RBKS: variants seen among roughly 807,000 people sequenced by gnomAD.
RBKS encodes the protein ribokinase.
In RBKS, 33 loss-of-function variants were observed where a neutral mutation model predicts 33.9. The observed-to-expected ratio is 0.97, with a 90% CI of 0.74 to 1.30. RBKS has a LOEUF of 1.30. Among genes scored for constraint, RBKS ranks in the 50% most tolerant of loss-of-function variants. The pLI, the probability that RBKS is intolerant of heterozygous loss-of-function variation, is 0.00. For missense variants in RBKS, 361 were observed against 392.6 expected (o/e 0.92, Z 0.68); for synonymous variants, 125 against 143.0 (o/e 0.87, Z 0.90).
chr2:27,861,664 G>GT (rs141374929), intron 1 of RBKS: 8 of 215,472 alleles, frequency 3.7e-5, no homozygotes, highest in East Asian at 1.8e-4. Context: ...ATTTCTTTTT[G>GT]GGGGGGGGGT....
At position 27,827,657 on chromosome 2, in the gene RBKS, G is replaced by C; in HGVS notation, c.705C>G (p.Thr235=). Residue 235 remains threonine (T), a synonymous_variant, in exon 7 of 8, where the codon ACC becomes ACG. Coordinates refer to ENST00000302188, the MANE Select transcript of RBKS (RefSeq NM_022128.3). ...GCACCACACATCCTTCAGCCCCTAA[G>C]GTAATGATTACCACCTGGCAGCCCC... ...LKRGCQVVII[T]LGAEGCVVLS... 1 of 1,613,766 alleles carries C rather than the reference G, an allele frequency of 6.2e-7. No homozygotes were observed. Among genetic ancestry groups the C allele is most frequent in the Non-Finnish European group, 8.5e-7 (1 of 1,179,918 alleles).
chr2:27,868,793 C>G (rs956400568), intron 1 of RBKS, among the ~76,000 whole-genome samples: 3 of 152,198 alleles, frequency 2.0e-5, no homozygotes, highest in Non-Finnish European at 4.4e-5. Flanking sequence ...CTTTCCTTTG[C>G]TTCTCAGCTG....
intron 4 of RBKS, among the ~76,000 whole-genome samples, chr2:27,843,831 C>G (rs997522592): frequency 6.6e-6 from 1 of 152,130 alleles, no homozygotes; most frequent in African/African-American, 2.4e-5. Flanking sequence ...TTACTTGGAC[C>G]TGCTGTCTAT....
intron 4 of RBKS, among the ~76,000 whole-genome samples, chr2:27,845,502 G>A (rs1663604925): frequency 6.6e-6 from 1 of 151,424 alleles, no homozygotes; most frequent in African/African-American, 2.4e-5. Flanking sequence ...TCATAGATAA[G>A]AAAGAGAACT....
At chr2:27,785,315 T>C (rs1158171253) in intron 7 of RBKS, among the ~76,000 whole-genome samples, 1 of 152,110 alleles carries the variant, frequency 6.6e-6, no homozygotes, top group Non-Finnish European at 1.5e-5. Flanking sequence ...TTGCAATACA[T>C]GTAACATATC....
intron 1 of RBKS, among the ~76,000 whole-genome samples, chr2:27,863,751 T>C (rs1361936538): frequency 2.0e-5 from 3 of 152,368 alleles, no homozygotes; most frequent in Non-Finnish European, 2.9e-5. Context: ...TATTACCCAA[T>C]TAAAATTCAT....
intron 1 of RBKS, among the ~76,000 whole-genome samples, chr2:27,878,023 TTTTTA>T (rs1443823783): frequency 1.2e-4 from 9 of 74,456 alleles, no homozygotes; most frequent in Admixed American, 5.4e-4. Context: ...TTATTTTTAT[TTTTTA>T]TTTTTTTTAA....
At chr2:27,861,249 T>C (rs1028646626) in intron 1 of RBKS, among the ~76,000 whole-genome samples, 2 of 152,124 alleles carry the variant, frequency 1.3e-5, no homozygotes, top group Admixed American at 1.3e-4. Context: ...GTTACAGGCA[T>C]GAGCCACCGC....
In RBKS at chr2:27,839,675, G is replaced by A. The variant is rs529373783; in HGVS notation, c.514+3392C>T. Among the ~76,000 whole-genome samples the A allele has an allele frequency of 1.2e-4, 18 of 152,286 alleles. No individual in the cohort carries two copies. The South Asian group carries it at 3.7e-3, about 32-fold the overall frequency. The stretch of plus-strand genomic sequence containing the variant: ...TAAGCAGTAAAGATAATGGAACTGT[G>A]ATAAGAAAACCCATAGATGATGATG... On this transcript the variant is annotated intron_variant, in intron 5 of 7. Transcript: ENST00000302188.
intron 7 of RBKS, among the ~76,000 whole-genome samples, chr2:27,785,873 T>C (rs1026832484): frequency 1.3e-5 from 2 of 152,194 alleles, no homozygotes; most frequent in Admixed American, 1.3e-4. Flanking sequence ...TATAGGAATA[T>C]AGGTACAAAG....
At chr2:27,885,720 T>A (rs1222296529) in intron 1 of RBKS, among the ~76,000 whole-genome samples, 4 of 152,234 alleles carry the variant, frequency 2.6e-5, no homozygotes, top group African/African-American at 9.6e-5. Flanking sequence ...TAACTTACTA[T>A]GTAATTAACT....
Position 27,837,951 on chromosome 2 carries a change from G to A in RBKS, c.514+5116C>T, listed in dbSNP as rs1034603826. ...GCGGTGGTTCATGCCTGTAATCCCA[G>A]TACTTTGGGAGGTTGAGGCAGGTGG... On this transcript the variant is annotated intron_variant, in intron 5 of 7. Transcript: ENST00000302188. This position sits in a 1 kb window ranked among gnomAD's most constrained non-coding sequence, Gnocchi z 4.0. Among the ~76,000 whole-genome samples the A allele has an allele frequency of 6.6e-6, 1 of 152,134 alleles. No homozygotes were observed. Among genetic ancestry groups the A allele is most frequent in the Non-Finnish European group, 1.5e-5 (1 of 68,022 alleles).
chr2:27,854,640 T>C (rs562326723), intron 2 of RBKS, among the ~76,000 whole-genome samples: 5 of 152,322 alleles, frequency 3.3e-5, no homozygotes, highest in East Asian at 1.9e-4. Context: ...TTAATTAGCA[T>C]ATAATTTAAA....
intron 7 of RBKS, among the ~76,000 whole-genome samples, chr2:27,811,859 C>G (rs1171107454): frequency 6.6e-6 from 1 of 151,938 alleles, no homozygotes; most frequent in Non-Finnish European, 1.5e-5. Context: ...AGGTGGGTTT[C>G]AAGCAAAGTG....
chr2:27,869,706 G>A lies in RBKS; in HGVS notation c.90-11135C>T, dbSNP rs1664164493. 1.3e-4 allele frequency: 24 copies of A among 183,864 alleles called. No individual in the cohort carries two copies. In the South Asian group the frequency reaches 3.6e-3, roughly 27 times the overall value. 11.4% of individuals were successfully genotyped at this position (183,864 alleles called of 1,614,324 possible). A position where few individuals can be genotyped will look rare whatever the true frequency, so the allele number is the denominator to read the frequency against. On this transcript the variant is annotated intron_variant, in intron 1 of 7. Transcript: ENST00000302188. ...AACTCATCATAATGTTGAATCAGTA[G>A]GAGCCCTGAGCTTGTTTTCCTGCAA...
Position 27,837,034 on chromosome 2 carries a change from C to T in RBKS, c.515-4257G>A, listed in dbSNP as rs185038253. On this transcript the variant is annotated intron_variant, in intron 5 of 7. Coordinates refer to ENST00000302188, the MANE Select transcript of RBKS (RefSeq NM_022128.3). This position sits in a 1 kb window ranked among gnomAD's most constrained non-coding sequence, Gnocchi z 4.0. ...ACACCTGTAATCCCAGCACTTTGGGCGGCCGAGGCAGGCAGATCACGAGGA... is the reference window on the plus strand; with the variant it reads ...ACACCTGTAATCCCAGCACTTTGGGTGGCCGAGGCAGGCAGATCACGAGGA... 2.5e-4 allele frequency among the ~76,000 whole-genome samples: 38 copies of T among 152,060 alleles called. 1 individual carries two copies. The highest frequency in any genetic ancestry group is 1.8e-3 in the Admixed American group (27 of 15,284).
At chr2:27,859,203 A>T (rs1003914522) in intron 1 of RBKS, among the ~76,000 whole-genome samples, 3 of 152,212 alleles carry the variant, frequency 2.0e-5, no homozygotes, top group African/African-American at 7.2e-5. Flanking sequence ...TGTCTATTTT[A>T]AAAAAGGAAC....
rs186758655 is a variant in RBKS, at chr2:27,810,582, T to C, written c.795+16985A>G. Among the ~76,000 whole-genome samples the C allele has an allele frequency of 5.9e-5, 9 of 152,256 alleles. No individual in the cohort carries two copies. Among genetic ancestry groups the C allele is most frequent in the African/African-American group, 2.2e-4 (9 of 41,542 alleles). On this transcript the variant is annotated intron_variant, in intron 7 of 7. Coordinates refer to ENST00000302188, the MANE Select transcript of RBKS (RefSeq NM_022128.3). This position sits in a 1 kb window ranked among gnomAD's most constrained non-coding sequence, Gnocchi z 4.4. ...GAGTAGGTTTTAGCCTTTATGTGAG[T>C]CGGAGTAAAAAATATGCTGAAAACC...
rs1326993153 is a variant in RBKS at position 27,795,162 on chromosome 2, C to T, written c.796-13374G>A. Among the ~76,000 whole-genome samples the T allele has an allele frequency of 1.3e-5, 2 of 152,058 alleles. No individual in the cohort carries two copies. The highest frequency in any genetic ancestry group is 2.4e-5 in the African/African-American group (1 of 41,344). Reference sequence around the variant, plus strand: ...GCTGACTCCTTAGAGTTTTACAATCCCTTAAAAGTCCTGTGTGTTCAATTA... The same window carrying T: ...GCTGACTCCTTAGAGTTTTACAATCTCTTAAAAGTCCTGTGTGTTCAATTA... On this transcript the variant is annotated intron_variant, in intron 7 of 7. Transcript: ENST00000302188. The surrounding 1 kb of genome is among the most constrained non-coding windows in gnomAD (Gnocchi z 4.1).
Sources: allele counts gnomAD v4.1 joint callset (sites outside exome capture counted in the v4.1 genomes callset), GRCh38; gene constraint gnomAD v4.1.1; non-coding constraint Gnocchi (gnomAD v3.1); transcripts MANE v1.5; gene names NCBI Gene and HGNC (gene_info 2026-07-23, HGNC 2026-07-21).